PRKG1: variants seen among roughly 807,000 people sequenced by gnomAD.
PRKG1 encodes cGMP-dependent protein kinase 1.
A neutral mutation model predicts 88.1 loss-of-function variants in PRKG1; 35 were observed. The ratio of observed to expected loss-of-function variants is 0.40; its 90% CI spans 0.30 to 0.53. The LOEUF is 0.53. Among genes scored for constraint, PRKG1 ranks in the 20% least tolerant of loss-of-function variants. The pLI is 0.59. For missense variants in PRKG1, 540 were observed against 839.8 expected (o/e 0.64, Z 4.41); for synonymous variants, 303 against 292.5 (o/e 1.04, Z -0.37).
chr10:51,769,221 G>A (rs981826642), intron 3 of PRKG1, among the ~76,000 whole-genome samples: 15 of 152,156 alleles, frequency 9.9e-5, no homozygotes, highest in African/African-American at 2.4e-4. Flanking sequence ...TGAAATCGGC[G>A]TCAGAGTGGT....
intron 2 of PRKG1, among the ~76,000 whole-genome samples, chr10:51,159,385 T>G (rs1846305255): frequency 2.0e-5 from 3 of 152,140 alleles, no homozygotes; most frequent in Admixed American, 2.0e-4. Context: ...TATGAGTTTT[T>G]CGTGTTAATC....
At chr10:51,709,946 T>C (rs887252535) in intron 3 of PRKG1, among the ~76,000 whole-genome samples, 13 of 151,550 alleles carry the variant, frequency 8.6e-5, no homozygotes, top group African/African-American at 3.2e-4. Context: ...TTTAGGATAC[T>C]AAAGCTAGGA....
intron 3 of PRKG1, among the ~76,000 whole-genome samples, chr10:51,626,370 T>G (rs1055589238): frequency 6.6e-6 from 1 of 152,214 alleles, no homozygotes; most frequent in Non-Finnish European, 1.5e-5. Context: ...ATAGGGCATA[T>G]TTTTAGGTAT....
At chr10:51,232,141 A>G (rs149180939) in intron 2 of PRKG1, among the ~76,000 whole-genome samples, 2 of 152,332 alleles carry the variant, frequency 1.3e-5, no homozygotes, top group African/African-American at 4.8e-5. Context: ...TTCTGTGGGC[A>G]TGTGTATGTA....
At chr10:51,924,434 G>A (rs185851836) in intron 5 of PRKG1, among the ~76,000 whole-genome samples, 23 of 152,150 alleles carry the variant, frequency 1.5e-4, no homozygotes, top group Middle Eastern at 3.4e-3. Flanking sequence ...TATAGGTAAC[G>A]TGGTTTATTC....
chr10:52,228,285 GA>G lies in PRKG1; in HGVS notation c.1077-23272del, dbSNP rs71947602. Reference sequence around the variant, plus strand: ...TTGGATTTTCAACAGGAAGTAAAAAGAAAAAAAAAAAAAGAAATGAAGAGGT... The same window carrying G: ...TTGGATTTTCAACAGGAAGTAAAAAGAAAAAAAAAAAAGAAATGAAGAGGT... On this transcript the variant is annotated intron_variant, in intron 9 of 17. Transcript: ENST00000373980. Among the ~76,000 whole-genome samples the G allele has an allele frequency of 2.0e-3, 262 of 133,942 alleles. 1 individual carries two copies. Among genetic ancestry groups the G allele is most frequent in the East Asian group, 3.9e-3 (19 of 4,824 alleles). 87.9% of individuals were successfully genotyped at this position (133,942 alleles called of 152,430 possible). A position where few individuals can be genotyped will look rare whatever the true frequency, so the allele number is the denominator to read the frequency against.
At chr10:51,743,395 A>G (rs906618922) in intron 3 of PRKG1, among the ~76,000 whole-genome samples, 4 of 151,858 alleles carry the variant, frequency 2.6e-5, no homozygotes, top group Non-Finnish European at 5.9e-5. Flanking sequence ...GTGTTAGTCA[A>G]AGGCTGGGCC....
intron 7 of PRKG1, among the ~76,000 whole-genome samples, chr10:52,077,714 T>A (rs1267697118): frequency 1.3e-5 from 2 of 152,164 alleles, no homozygotes; most frequent in East Asian, 3.9e-4. Context: ...TATGCTTCTA[T>A]TATCAAAACA....
rs779910355 is a variant in PRKG1 at position 51,177,922 on chromosome 10, ACC to A, written c.478+24593_478+24594del. Among the ~76,000 whole-genome samples, 1,048 of 152,204 alleles carry A rather than the reference ACC, an allele frequency of 6.9e-3. 4 individuals carry two copies. Among genetic ancestry groups the A allele is most frequent in the Non-Finnish European group, 0.011 (725 of 67,988 alleles). ...ATATACTATAACCATAGTGCCCACA[ACC>A]ATCAAAAATTTACTGTGTAAGAAAA... is the stretch of plus-strand genomic sequence containing the variant. On this transcript the variant is annotated intron_variant, in intron 2 of 17. Transcript: ENST00000373980.
In PRKG1 at chr10:51,970,001, TACACACACACAC is replaced by T. The variant is rs35117709; in HGVS notation, c.762+62470_762+62481del. Reference sequence around the variant, plus strand: ...TTGCTTTATTTGCCCATTCTCTTCATACACACACACACACACACACACACACACACACACACA... The same window carrying T: ...TTGCTTTATTTGCCCATTCTCTTCATACACACACACACACACACACACACA... On this transcript the variant is annotated intron_variant, in intron 5 of 17. Transcript: ENST00000373980. Among the ~76,000 whole-genome samples, 814 of 144,578 alleles carry T rather than the reference TACACACACACAC, an allele frequency of 5.6e-3. 3 individuals are homozygous for T. Among genetic ancestry groups the T allele is most frequent in the Middle Eastern group, 0.01 (3 of 288 alleles). 94.8% of individuals were successfully genotyped at this position (144,578 alleles called of 152,430 possible).
At chr10:51,519,246 C>T (rs1194652717) in intron 3 of PRKG1, among the ~76,000 whole-genome samples, 1 of 152,092 alleles carries the variant, frequency 6.6e-6, no homozygotes, top group East Asian at 1.9e-4. Context: ...ACCAGGAACC[C>T]AATGGTGACT....
intron 5 of PRKG1, among the ~76,000 whole-genome samples, chr10:52,038,357 G>C (rs1459937637): frequency 6.6e-6 from 1 of 151,544 alleles, no homozygotes; most frequent in Non-Finnish European, 1.5e-5. Flanking sequence ...GAGATAAGAG[G>C]TCGGGGCATG....
chr10:51,636,486 A>G (rs532649936), intron 3 of PRKG1, among the ~76,000 whole-genome samples: 1 of 152,370 alleles, frequency 6.6e-6, no homozygotes, highest in African/African-American at 2.4e-5. Context: ...AAACATCTCC[A>G]TGAGAACACA....
At chr10:51,953,435 A>T (rs1293806564) in intron 5 of PRKG1, among the ~76,000 whole-genome samples, 1 of 152,212 alleles carries the variant, frequency 6.6e-6, no homozygotes, top group African/African-American at 2.4e-5. Context: ...GCATCATCAA[A>T]GGACTTTTTT....
At chr10:52,205,051 A>G (rs1284378261) in intron 9 of PRKG1, among the ~76,000 whole-genome samples, 1 of 152,116 alleles carries the variant, frequency 6.6e-6, no homozygotes, top group African/African-American at 2.4e-5. Context: ...ATGCAGATGT[A>G]GATAGGGATG....
At chr10:52,184,376 A>G (rs931010880) in intron 9 of PRKG1, among the ~76,000 whole-genome samples, 1 of 152,186 alleles carries the variant, frequency 6.6e-6, no homozygotes, top group African/African-American at 2.4e-5. Flanking sequence ...TCTCATCCAT[A>G]TCATGATATA....
intron 8 of PRKG1, among the ~76,000 whole-genome samples, chr10:52,145,337 A>G (rs1837701708): frequency 6.6e-6 from 1 of 152,218 alleles, no homozygotes. Context: ...GTTATTTAGA[A>G]ATTCACAATG....
At chr10:51,890,003 T>C (rs1184488635) in intron 4 of PRKG1, among the ~76,000 whole-genome samples, 2 of 152,222 alleles carry the variant, frequency 1.3e-5, no homozygotes, top group African/African-American at 4.8e-5. Flanking sequence ...TCCCATTCTT[T>C]AGGTTGCCTG....
At position 51,817,352 on chromosome 10, in the gene PRKG1, C is replaced by CT. The variant is rs1042101104; in HGVS notation, c.698+12662_698+12663insT. 3.6e-3 allele frequency among the ~76,000 whole-genome samples: 539 copies of CT among 148,576 alleles called. 6 individuals carry two copies. The highest frequency in any genetic ancestry group is 0.012 in the African/African-American group (511 of 41,014). ...CCTAGTGCTATCCCTCCCCAACCCCCCCCCTCCCCTGACAGGCCCTGGTGT... is the reference window on the plus strand; with the variant it reads ...CCTAGTGCTATCCCTCCCCAACCCCCTCCCCTCCCCTGACAGGCCCTGGTGT... On this transcript the variant is annotated intron_variant, in intron 4 of 17. Transcript: ENST00000373980.
Sources: allele counts gnomAD v4.1 joint callset (sites outside exome capture counted in the v4.1 genomes callset), GRCh38; gene constraint gnomAD v4.1.1; transcripts MANE v1.5; gene names NCBI Gene and HGNC (gene_info 2026-07-23, HGNC 2026-07-21).